Variants in PLCB4 observed in about 807,000 individuals in gnomAD.
PLCB4 encodes the protein 1-phosphatidylinositol 4,5-bisphosphate phosphodiesterase beta-4.
PLCB4 carries 77 observed loss-of-function variants against 178.8 expected under a neutral mutation model. The observed-to-expected ratio is 0.43, with a 90% confidence interval of 0.36 to 0.52. The LOEUF is 0.52. Ranked by LOEUF, PLCB4 falls within the 20% of genes least tolerant of loss-of-function variation. PLCB4 has a pLI of 0.00. For missense variants in PLCB4, 1,024 were observed against 1,453.4 expected (o/e 0.70, Z 4.80); for synonymous variants, 496 against 490.8 (o/e 1.01, Z -0.14).
intron 3 of PLCB4, among the ~76,000 whole-genome samples, chr20:9,301,632 G>A (rs1293104977): frequency 6.6e-6 from 1 of 152,084 alleles, no homozygotes; most frequent in Non-Finnish European, 1.5e-5. Flanking sequence ...CATATTTATG[G>A]GTAATGCACA....
intron 2 of PLCB4, among the ~76,000 whole-genome samples, chr20:9,106,171 G>T (rs188641448): frequency 6.6e-6 from 1 of 152,016 alleles, no homozygotes; most frequent in East Asian, 1.9e-4. Flanking sequence ...ATATGGGGCC[G>T]TCAAACATAT....
intron 30 of PLCB4, among the ~76,000 whole-genome samples, chr20:9,438,298 G>A (rs1193630754): frequency 2.0e-5 from 3 of 151,822 alleles, no homozygotes; most frequent in African/African-American, 4.8e-5. Flanking sequence ...CCCGGGAGGC[G>A]GAGCTTGCAG....
At chr20:9,101,618 CATT>C (rs1177158368) in intron 2 of PLCB4, among the ~76,000 whole-genome samples, 1 of 152,100 alleles carries the variant, frequency 6.6e-6, no homozygotes. Context: ...ACATAAATCT[CATT>C]ATTTCTTTTT....
chr20:9,389,483 G>A (rs2037955440), intron 15 of PLCB4, among the ~76,000 whole-genome samples: 1 of 152,204 alleles, frequency 6.6e-6, no homozygotes, highest in Admixed American at 6.5e-5. Context: ...TTTTCTGCAT[G>A]AGGTGGGGAG....
At chr20:9,282,446 C>T (rs2094502426) in intron 3 of PLCB4, among the ~76,000 whole-genome samples, 1 of 151,876 alleles carries the variant, frequency 6.6e-6, no homozygotes, top group South Asian at 2.1e-4. Flanking sequence ...TTTTATTATA[C>T]CCCCATACTC....
chr20:9,189,727 G>A (rs2093375680), intron 2 of PLCB4, among the ~76,000 whole-genome samples: 1 of 152,166 alleles, frequency 6.6e-6, no homozygotes, highest in African/African-American at 2.4e-5. Context: ...TGTCTGTGAA[G>A]CTCTCTGCTT....
intron 3 of PLCB4, among the ~76,000 whole-genome samples, chr20:9,281,589 G>A (rs965215243): frequency 7.9e-5 from 12 of 151,798 alleles, no homozygotes; most frequent in African/African-American, 2.9e-4. Flanking sequence ...TTTAATCTTA[G>A]GTTTATCATA....
chr20:9,193,753 A>C (rs1426456720), intron 2 of PLCB4, among the ~76,000 whole-genome samples: 1 of 152,210 alleles, frequency 6.6e-6, no homozygotes, highest in Non-Finnish European at 1.5e-5. Context: ...CAAATAATAA[A>C]CATATATTTT....
chr20:9,297,277 G>A (rs2094649249), intron 3 of PLCB4, among the ~76,000 whole-genome samples: 1 of 151,800 alleles, frequency 6.6e-6, no homozygotes. Flanking sequence ...TGATTAATAT[G>A]TGTGTACACG....
intron 3 of PLCB4, among the ~76,000 whole-genome samples, chr20:9,246,273 A>C (rs1313576830): frequency 2.0e-5 from 3 of 152,182 alleles, no homozygotes; most frequent in African/African-American, 7.2e-5. Flanking sequence ...CTATGCTCTG[A>C]ATCACCATTC....
chr20:9,236,806 A>G (rs1296362264), intron 3 of PLCB4, among the ~76,000 whole-genome samples: 1 of 152,232 alleles, frequency 6.6e-6, no homozygotes, highest in Non-Finnish European at 1.5e-5. Context: ...AAGGCAGCTT[A>G]GGTTATGTGA....
At chr20:9,304,236 T>G (rs541015696) in intron 3 of PLCB4, among the ~76,000 whole-genome samples, 31 of 145,668 alleles carry the variant, frequency 2.1e-4, no homozygotes, top group African/African-American at 8.5e-4. Context: ...TGTATGTGTG[T>G]GTGGGGGGGT....
intron 3 of PLCB4, among the ~76,000 whole-genome samples, chr20:9,278,720 G>A (rs916480898): frequency 2.0e-5 from 3 of 151,972 alleles, no homozygotes; most frequent in Non-Finnish European, 4.4e-5. Context: ...AGATATGAGC[G>A]CTGGACTTCC....
At chr20:9,250,069 A>G (rs2094164460) in intron 3 of PLCB4, among the ~76,000 whole-genome samples, 2 of 152,234 alleles carry the variant, frequency 1.3e-5, no homozygotes, top group African/African-American at 4.8e-5. Context: ...ATTGCCTCTA[A>G]GCAGCAAATA....
intron 2 of PLCB4, among the ~76,000 whole-genome samples, chr20:9,215,078 TA>T (rs1393574508): frequency 6.6e-6 from 1 of 152,170 alleles, no homozygotes; most frequent in African/African-American, 2.4e-5. Flanking sequence ...GCCTGTTTCA[TA>T]GCCTCAGGAG....
At position 9,235,221 on chromosome 20, in the gene PLCB4, G is replaced by T. The variant is rs148936250; in HGVS notation, c.-16+17769G>T. Among the ~76,000 whole-genome samples, 7 of 152,186 alleles carry T rather than the reference G, an allele frequency of 4.6e-5. No homozygotes were observed. In the East Asian group the frequency reaches 1.2e-3, roughly 25 times the overall value. On this transcript the variant is annotated intron_variant, in intron 3 of 39. Coordinates refer to ENST00000378473, the MANE Select transcript of PLCB4 (RefSeq NM_001377142.1). The stretch of plus-strand genomic sequence containing the variant: ...CTAATAGAGAAGAGGACAATCATTG[G>T]GCAGGGAAGGGGTGCTTGCATCTGA...
intron 2 of PLCB4, chr20:9,166,803 G>T (rs2092980957): frequency 6.6e-6 from 1 of 152,056 alleles, no homozygotes; most frequent in South Asian, 2.1e-4. Context: ...GGGCTATCAC[G>T]GTTTTATTTT....
At chr20:9,379,347 A>G (rs1015715199) in intron 12 of PLCB4, among the ~76,000 whole-genome samples, 1 of 152,172 alleles carries the variant, frequency 6.6e-6, no homozygotes, top group East Asian at 1.9e-4. Flanking sequence ...TTAGGTGTCA[A>G]TTTGAAAACA....
intron 30 of PLCB4, among the ~76,000 whole-genome samples, chr20:9,441,505 T>C (rs1265392678): frequency 6.6e-6 from 1 of 151,960 alleles, no homozygotes; most frequent in East Asian, 1.9e-4. Flanking sequence ...TGGACATGGA[T>C]AGAGATGTGA....
Sources: allele counts gnomAD v4.1 joint callset (sites outside exome capture counted in the v4.1 genomes callset), GRCh38; gene constraint gnomAD v4.1.1; transcripts MANE v1.5; gene names NCBI Gene and HGNC (gene_info 2026-07-23, HGNC 2026-07-21).